The following SP7 variants were observed in gnomAD, a reference collection of about 807,000 sequenced individuals.
SP7 encodes the protein transcription factor Sp7.
Under a neutral mutation model 27.9 loss-of-function variants are expected in SP7, and 13 were observed. The observed-to-expected ratio is 0.47, with a 90% CI of 0.30 to 0.74. SP7 has a LOEUF of 0.74. Ranked by LOEUF, SP7 falls within the 30% of genes least tolerant of loss-of-function variation. The pLI, the probability that SP7 is intolerant of heterozygous loss-of-function variation, is 0.06. For missense variants in SP7, 525 were observed against 558.0 expected (o/e 0.94, Z 0.60); for synonymous variants, 219 against 226.7 (o/e 0.97, Z 0.31).
At chr12:53,340,023 C>A (rs540496693), upstream of SP7, among the ~76,000 whole-genome samples, 8 of 152,248 alleles carry the variant, frequency 5.3e-5, no homozygotes, top group South Asian at 1.5e-3. Flanking sequence ...TGCATACTTG[C>A]ACACACACAA....
chr12:53,343,141 C>CAA (rs1270407240), intron 1 of SP7, among the ~76,000 whole-genome samples: 3 of 58,710 alleles, frequency 5.1e-5, no homozygotes, highest in Non-Finnish European at 7.4e-5. Context: ...ACAAAAAATA[C>CAA]AAAAAAAAAA....
Position 53,328,349 on chromosome 12 carries a change from G to A in SP7, c.1093C>T (p.Arg365Ter), listed in dbSNP as rs1427780619. The change falls in exon 3 of 3, where the codon CGA (arginine) becomes TGA (stop). Residue 365 changes from arginine to a stop codon, truncating the protein, a stop_gained. Coordinates refer to ENST00000536324, the MANE Select transcript of SP7 (RefSeq NM_001173467.3). LOFTEE classifies it high-confidence loss of function. The surrounding 1 kb of genome is among the most constrained non-coding windows in gnomAD (Gnocchi z 5.1). ...TCLLCSKRFT[R>*]SDHLSKHQRT... is the part of the protein sequence containing the mutation. ...TGGTGTTTGCTCAGGTGGTCGCTTC[G>A]GGTAAAGCGCTTGGAGCAGAGCAGG... 2 of 1,612,450 alleles carry A rather than the reference G, an allele frequency of 1.2e-6. No individual in the cohort carries two copies. The highest frequency in any genetic ancestry group is 1.7e-6 in the Non-Finnish European group (2 of 1,178,784).
upstream of SP7, among the ~76,000 whole-genome samples, chr12:53,340,148 A>G (rs1316012834): frequency 6.6e-6 from 1 of 152,090 alleles, no homozygotes; most frequent in Non-Finnish European, 1.5e-5. Flanking sequence ...CAATCATAAA[A>G]ATGCACACAC....
In SP7 at chr12:53,328,077, C is replaced by A; in HGVS notation, c.*69G>T. On this transcript the variant is annotated 3_prime_UTR_variant, in exon 3 of 3. Coordinates refer to ENST00000536324, the MANE Select transcript of SP7 (RefSeq NM_001173467.3). This position sits in a 1 kb window ranked among gnomAD's most constrained non-coding sequence, Gnocchi z 5.1. ...TGCATGGGGTAAAGAGAGTGATTGG[C>A]AAGCAGTGGTCTAGAGAGCCAAGAG... 1 of 1,428,352 alleles carries A rather than the reference C, an allele frequency of 7.0e-7. No individual in the cohort carries two copies. The highest frequency in any genetic ancestry group is 9.4e-7 in the Non-Finnish European group (1 of 1,068,822). The allele number at this position is 1,428,352 out of a possible 1,614,324, so 88.5% of individuals were successfully genotyped here. A position where few individuals can be genotyped will look rare whatever the true frequency, so the allele number is the denominator to read the frequency against.
At chr12:53,329,976 C>T (rs574611504) in intron 2 of SP7, among the ~76,000 whole-genome samples, 7 of 151,904 alleles carry the variant, frequency 4.6e-5, no homozygotes, top group Non-Finnish European at 1.0e-4. Context: ...TCAGGTGATC[C>T]GCCCACCTCG....
chr12:53,338,975 A>G (rs996278738), upstream of SP7, among the ~76,000 whole-genome samples: 25 of 152,270 alleles, frequency 1.6e-4, no homozygotes, highest in South Asian at 1.0e-3. Flanking sequence ...GGCTGGGGGC[A>G]GCAATTGGAA....
upstream of SP7, among the ~76,000 whole-genome samples, chr12:53,337,032 G>A (rs1944779007): frequency 6.6e-6 from 1 of 152,042 alleles, no homozygotes; most frequent in South Asian, 2.1e-4. Flanking sequence ...CAGGAGTGAG[G>A]GTGGCGGTAG....
chr12:53,332,600 A>G (rs888048007), intron 2 of SP7, among the ~76,000 whole-genome samples: 7 of 152,192 alleles, frequency 4.6e-5, no homozygotes, highest in African/African-American at 1.7e-4. Context: ...AACAACAAAA[A>G]AGAAGCAGAA....
intron 2 of SP7, 46 bp downstream of exon 2, chr12:53,335,580 C>G (rs759414768): frequency 5.1e-6 from 5 of 986,482 alleles, no homozygotes; most frequent in Non-Finnish European, 6.3e-6. Context: ...GGACTAGGAC[C>G]ATTAAGGTTG....
At chr12:53,335,543 T>C (rs1944757079) in intron 2 of SP7, 83 bp downstream of exon 2, 1 of 745,800 alleles carries the variant, frequency 1.3e-6, no homozygotes, top group South Asian at 1.5e-5. Flanking sequence ...CTACTATCTA[T>C]GTGAGTTGGA....
intron 2 of SP7, among the ~76,000 whole-genome samples, chr12:53,334,373 C>CACACAT (rs1290039893): frequency 2.8e-4 from 43 of 151,346 alleles, no homozygotes; most frequent in African/African-American, 8.7e-4. Context: ...CACACACACA[C>CACACAT]ACTCTCAGGG....
intron 2 of SP7, among the ~76,000 whole-genome samples, chr12:53,333,518 A>G (rs1449376291): frequency 6.6e-6 from 1 of 152,144 alleles, no homozygotes; most frequent in Non-Finnish European, 1.5e-5. Context: ...GGAAGTGCTC[A>G]CTAGACATCT....
rs556541131 is a variant in SP7 at position 53,334,898 on chromosome 12, G to A, written c.21+728C>T. Among the ~76,000 whole-genome samples the A allele has an allele frequency of 5.3e-5, 8 of 152,328 alleles. No individual in the cohort carries two copies. The East Asian group carries it at 9.6e-4, about 18-fold the overall frequency. ...GCCCGGAGGGGAAGTGGCCCAGTCC[G>A]CCCTGGAGCCTCCCACTCCCAAAAT... On this transcript the variant is annotated intron_variant, in intron 2 of 2. Transcript: ENST00000536324.
At chr12:53,341,731 G>A (rs953752449) in intron 1 of SP7, among the ~76,000 whole-genome samples, 1 of 152,070 alleles carries the variant, frequency 6.6e-6, no homozygotes, top group Non-Finnish European at 1.5e-5. Flanking sequence ...ATCACCTGAG[G>A]TCAGAAGTTT....
chr12:53,328,656 G>A lies in SP7; in HGVS notation c.786C>T (p.Gly262=), dbSNP rs750532220. The change falls in exon 3 of 3, where the codon GGC becomes GGT. Residue 262 remains glycine (G), a synonymous_variant. Coordinates refer to ENST00000536324, the MANE Select transcript of SP7 (RefSeq NM_001173467.3). The surrounding 1 kb of genome is among the most constrained non-coding windows in gnomAD (Gnocchi z 5.1). Reference sequence around the variant, plus strand: ...CGCAGGAGGAGCGCCCTGCCCCACTGCCCCCATATCCACCACTACCCCCAG... The same window carrying A: ...CGCAGGAGGAGCGCCCTGCCCCACTACCCCCATATCCACCACTACCCCCAG... The part of the protein sequence containing the change: ...ASTGGSGGYG[G]SGAGRSSCDC... 1.9e-6 allele frequency: 3 copies of A among 1,610,044 alleles called. No individual in the cohort carries two copies. The highest frequency in any genetic ancestry group is 1.7e-5 in the Admixed American group (1 of 59,868).
upstream of SP7, among the ~76,000 whole-genome samples, chr12:53,336,622 C>T (rs1463273971): frequency 6.6e-6 from 1 of 152,026 alleles, no homozygotes; most frequent in Non-Finnish European, 1.5e-5. Flanking sequence ...CACACAGTGA[C>T]GCACTGGAGG....
intron 1 of SP7, among the ~76,000 whole-genome samples, chr12:53,341,494 C>A (rs1313347762): frequency 6.6e-6 from 1 of 150,416 alleles, no homozygotes; most frequent in Non-Finnish European, 1.5e-5. Context: ...AGAACCTGGT[C>A]ATCTCTAGAA....
chr12:53,339,376 C>G (rs1944802718), upstream of SP7, among the ~76,000 whole-genome samples: 1 of 152,150 alleles, frequency 6.6e-6, no homozygotes, highest in African/African-American at 2.4e-5. Context: ...CCTCAGTTCT[C>G]CAAATGATTT....
In SP7 at chr12:53,328,607, C is replaced by T. The variant is rs955029377; in HGVS notation, c.835G>A (p.Glu279Lys). ...CCAGCCGCTGCTGCTCCCAGCCGCT[C>T]TAGCTCCTGGCAATTAGGGCAGTCG... ...SCDCPNCQEL[E>K]RLGAAAAGLR... Residue 279 changes from glutamate (E) to lysine (K), a missense_variant, in exon 3 of 3, where the codon GAG becomes AAG. Transcript: ENST00000536324. The surrounding 1 kb of genome is among the most constrained non-coding windows in gnomAD (Gnocchi z 5.1). The T allele has an allele frequency of 1.9e-6, 3 of 1,610,380 alleles. No individual in the cohort carries two copies. The highest frequency in any genetic ancestry group is 2.7e-5 in the African/African-American group (2 of 74,862).
Sources: allele counts gnomAD v4.1 joint callset (sites outside exome capture counted in the v4.1 genomes callset), GRCh38; gene constraint gnomAD v4.1.1; non-coding constraint Gnocchi (gnomAD v3.1); transcripts MANE v1.5; gene names NCBI Gene and HGNC (gene_info 2026-07-23, HGNC 2026-07-21).